CECR2: variants seen among roughly 807,000 people sequenced by gnomAD.
CECR2 encodes the protein CECR2 histone acetyl-lysine reader, also known as chromatin remodeling regulator CECR2.
CECR2 carries 30 observed loss-of-function variants against 154.5 expected under a neutral mutation model. The ratio of observed to expected loss-of-function variants is 0.19; its 90% CI spans 0.15 to 0.26. The LOEUF is 0.26. CECR2 is among the 10% of genes least tolerant of loss of function. The probability of loss-of-function intolerance (pLI) is 1.00; values close to 1 mark genes in which losing one functional copy is unlikely to be tolerated. For missense variants in CECR2, 1,743 were observed against 1,829.3 expected (o/e 0.95, Z 0.86); for synonymous variants, 725 against 683.7 (o/e 1.06, Z -0.94).
intron 1 of CECR2, among the ~76,000 whole-genome samples, chr22:17,395,894 A>G (rs562660655): frequency 1.8e-4 from 27 of 152,148 alleles, no homozygotes; most frequent in African/African-American, 6.3e-4. Flanking sequence ...AGTATCATGA[A>G]TATTCTTTCT....
At chr22:17,504,582 G>A (rs914753820) in intron 6 of CECR2, among the ~76,000 whole-genome samples, 4 of 151,306 alleles carry the variant, frequency 2.6e-5, no homozygotes, top group Admixed American at 6.6e-5. Flanking sequence ...GATCACAGGC[G>A]CCCGCCACCG....
At position 17,497,590 on chromosome 22, in the gene CECR2, T is replaced by C; in HGVS notation, c.405+4T>C. 3 of 1,612,596 alleles carry C rather than the reference T, an allele frequency of 1.9e-6. No individual in the cohort carries two copies. Among genetic ancestry groups the C allele is most frequent in the Non-Finnish European group, 2.5e-6 (3 of 1,178,792 alleles). On this transcript the variant is annotated splice_donor_region_variant and intron_variant, in intron 3 of 18. Transcript: ENST00000262608. ...CGATGTCTTCGATCTTCTAAAGGTA[T>C]GCTTAACTGGCGAACCTTTCCCTGT...
rs929498170 is a variant in CECR2, at chr22:17,548,712, T to A, written c.3425T>A (p.Val1142Glu). The change falls in exon 17 of 19, where the codon GTG becomes GAG. Residue 1142 changes from valine to glutamate, a missense_variant. This residue lies in a region of CECR2 where 1,250 missense variants were observed against 1,192.1 expected (regional missense o/e 1.05). Transcript: ENST00000262608. ...HYHISPGLQG[V>E]GPVMGGKSPA... ...CACATCAGTCCAGGCCTGCAGGGTG[T>A]GGGCCCTGTGATGGGAGGGAAGTCC... 28 of 1,613,534 alleles carry A rather than the reference T, an allele frequency of 1.7e-5. No homozygotes were observed. Among genetic ancestry groups the A allele is most frequent in the Non-Finnish European group, 2.4e-5 (28 of 1,179,758 alleles).
rs1265579514 is a variant in CECR2 at position 17,538,869 on chromosome 22, G to A, written c.1369-124G>A. 6.0e-6 allele frequency: 8 copies of A among 1,334,016 alleles called. No individual in the cohort carries two copies. In the Admixed American group the frequency reaches 6.6e-5, roughly 11 times the overall value. 82.6% of individuals were successfully genotyped at this position (1,334,016 alleles called of 1,614,324 possible). The stretch of plus-strand genomic sequence containing the variant: ...GTCAAAAGTTCATGTGATGTTTCTC[G>A]TTTTATCTGTTATTCATTACAGATC... On this transcript the variant is annotated intron_variant, in intron 12 of 18. Transcript: ENST00000262608.
chr22:17,382,491 G>A (rs2063209806), intron 1 of CECR2, among the ~76,000 whole-genome samples: 1 of 152,068 alleles, frequency 6.6e-6, no homozygotes, highest in Non-Finnish European at 1.5e-5. Flanking sequence ...TTGCAGTAAA[G>A]TGAGTCACAT....
chr22:17,502,745 G>A (rs1470612589), intron 5 of CECR2, among the ~76,000 whole-genome samples: 1 of 152,210 alleles, frequency 6.6e-6, no homozygotes, highest in Non-Finnish European at 1.5e-5. Context: ...GGAGGTTGCA[G>A]TGAGCTGAAA....
Position 17,379,026 on chromosome 22 carries a change from G to A in CECR2, c.126+9117G>A, listed in dbSNP as rs149422005. On this transcript the variant is annotated intron_variant, in intron 1 of 18. Coordinates refer to ENST00000262608, the MANE Select transcript of CECR2 (RefSeq NM_001290047.2). ...GGCTGGAGTGCAGTGGTGCGATCTC[G>A]GCTCACTGCAATGTCTGCTTCCCAG... 4.7e-3 allele frequency among the ~76,000 whole-genome samples: 708 copies of A among 152,082 alleles called. 2 individuals are homozygous for A. Among genetic ancestry groups the A allele is most frequent in the African/African-American group, 0.016 (662 of 41,490 alleles).
chr22:17,454,787 A>G (rs1306429759), intron 1 of CECR2, among the ~76,000 whole-genome samples: 1 of 152,152 alleles, frequency 6.6e-6, no homozygotes, highest in Non-Finnish European at 1.5e-5. Flanking sequence ...TTTTAAGCAT[A>G]CCAATCTGAC....
At chr22:17,518,623 G>C (rs2056102353) in intron 8 of CECR2, 1 of 421,878 alleles carries the variant, frequency 2.4e-6, no homozygotes, top group African/African-American at 2.1e-5. Flanking sequence ...TTTCCCCATG[G>C]GCTTGGCACT....
intron 1 of CECR2, among the ~76,000 whole-genome samples, chr22:17,360,879 T>C (rs933629605): frequency 2.0e-5 from 3 of 151,036 alleles, no homozygotes; most frequent in African/African-American, 7.3e-5. Flanking sequence ...AAAAACCCAC[T>C]AGGCTAGGTA....
intron 16 of CECR2, among the ~76,000 whole-genome samples, chr22:17,545,385 A>AAAAG (rs2056596814): frequency 6.6e-6 from 1 of 151,158 alleles, no homozygotes; most frequent in Non-Finnish European, 1.5e-5. Context: ...AAAAAAAAAA[A>AAAAG]AAAAAAAAAA....
upstream of CECR2, among the ~76,000 whole-genome samples, chr22:17,367,070 C>A (rs1176672272): frequency 1.3e-5 from 2 of 152,184 alleles, no homozygotes; most frequent in African/African-American, 2.4e-5. Context: ...CAGGGCGGAT[C>A]TCCGAGCAGC....
At chr22:17,532,686 T>C (rs913049302) in intron 9 of CECR2, among the ~76,000 whole-genome samples, 1 of 143,668 alleles carries the variant, frequency 7.0e-6, no homozygotes, top group Non-Finnish European at 1.5e-5. Flanking sequence ...CAAGTAGGTA[T>C]ATTCATTATT....
chr22:17,388,848 C>G (rs2063295790), intron 1 of CECR2, among the ~76,000 whole-genome samples: 1 of 152,030 alleles, frequency 6.6e-6, no homozygotes, highest in African/African-American at 2.4e-5. Context: ...GAGTCTCACT[C>G]TGTCGCCCAG....
rs375454384 is a variant in CECR2 at position 17,542,743 on chromosome 22, C to G, written c.2600C>G (p.Ala867Gly). The G allele has an allele frequency of 4.3e-6, 7 of 1,613,924 alleles. No homozygotes were observed. The African/African-American group carries it at 9.3e-5, about 22-fold the overall frequency. Residue 867 changes from alanine to glycine, a missense_variant, in exon 16 of 19, where the codon GCC (alanine) becomes GGC (glycine). By Grantham distance (60) the Ala-to-Gly change is moderately conservative. Around this residue, in one of 4 missense-constraint regions of CECR2, gnomAD observed 1,250 missense variants for 1,192.1 expected, o/e 1.05. Coordinates refer to ENST00000262608, the MANE Select transcript of CECR2 (RefSeq NM_001290047.2). Reference protein sequence around the residue: ...PAPSSLFGAPAQALRGVQGGD... With the variant: ...PAPSSLFGAPGQALRGVQGGD... ...CCCAGTTCTTTGTTTGGAGCACCTG[C>G]CCAGGCTCTTCGGGGGGTGCAGGGA...
chr22:17,517,038 C>T (rs2056070162), intron 8 of CECR2, among the ~76,000 whole-genome samples: 1 of 152,104 alleles, frequency 6.6e-6, no homozygotes, highest in Admixed American at 6.5e-5. Context: ...GCCACCACGC[C>T]TGGCTAATTT....
intron 2 of CECR2, among the ~76,000 whole-genome samples, chr22:17,479,479 T>C (rs767431689): frequency 5.3e-5 from 8 of 152,168 alleles, no homozygotes; most frequent in Admixed American, 2.0e-4. Flanking sequence ...ATACAACATA[T>C]TAACAGAGCA....
chr22:17,466,286 G>T (rs2055031115), intron 1 of CECR2, among the ~76,000 whole-genome samples: 1 of 152,090 alleles, frequency 6.6e-6, no homozygotes, highest in Non-Finnish European at 1.5e-5. Flanking sequence ...AACCTGTATT[G>T]ATTGAGGTTG....
chr22:17,429,227 T>C (rs369673580), intron 1 of CECR2, among the ~76,000 whole-genome samples: 17 of 151,882 alleles, frequency 1.1e-4, no homozygotes, highest in Admixed American at 7.2e-4. Context: ...ACAAAGAAGG[T>C]CCTCAGTAAA....
Sources: gnomAD v4.1 joint callset for allele counts (sites outside exome capture counted in the v4.1 genomes callset) on GRCh38, gnomAD v4.1.1 for gene constraint, gnomAD v4.1.1 regional missense constraint, MANE v1.5 for transcripts, NCBI Gene and HGNC (gene_info 2026-07-23, HGNC 2026-07-21) for gene names.